Variants in HMGCLL1 observed in about 807,000 individuals in gnomAD.
The protein encoded by HMGCLL1 is 3-hydroxymethyl-3-methylglutaryl-CoA lyase, cytoplasmic.
HMGCLL1 carries 36 observed loss-of-function variants against 39.1 expected under a neutral mutation model. That is an observed-to-expected ratio of 0.92 (90% CI 0.71 to 1.22). The LOEUF is 1.22. HMGCLL1 is among the 50% of genes most tolerant of loss of function. The pLI, the probability that HMGCLL1 is intolerant of heterozygous loss-of-function variation, is 0.00. For synonymous variants in HMGCLL1, 149 were observed against 144.0 expected, an observed-to-expected ratio of 1.03 and a Z score of -0.25; for missense variants, 451 against 416.5, an observed-to-expected ratio of 1.08 and a Z score of -0.72.
intron 3 of HMGCLL1, among the ~76,000 whole-genome samples, chr6:55,536,498 GT>G (rs1398414353): frequency 6.6e-6 from 1 of 152,138 alleles, no homozygotes; most frequent in Non-Finnish European, 1.5e-5. Flanking sequence ...TGTATTTACA[GT>G]TTAAATAGCT....
chr6:55,518,429 G>A (rs1767862585), intron 3 of HMGCLL1, among the ~76,000 whole-genome samples: 1 of 152,092 alleles, frequency 6.6e-6, no homozygotes. Flanking sequence ...TTCTGGTCCT[G>A]TATGTTCTTC....
chr6:55,541,438 A>T (rs1769425570), intron 3 of HMGCLL1, among the ~76,000 whole-genome samples: 1 of 152,136 alleles, frequency 6.6e-6, no homozygotes, highest in South Asian at 2.1e-4. Flanking sequence ...TTATTTAGAA[A>T]GTCAGCCATA....
intron 5 of HMGCLL1, among the ~76,000 whole-genome samples, chr6:55,510,802 AAT>A (rs879736166): frequency 2.8e-4 from 42 of 148,828 alleles, no homozygotes; most frequent in Middle Eastern, 3.5e-3. Flanking sequence ...AATAATAATA[AAT>A]ATATATATAT....
At chr6:55,618,992 G>C in the HMGCLL1 span, among the ~76,000 whole-genome samples, 52,943 of 151,744 alleles carry the variant, frequency 0.35, 9,587 homozygotes, top group African/African-American at 0.44. Context: ...GGAGGTGTTT[G>C]CTCCAAACAC....
chr6:55,613,355 A>G, the HMGCLL1 span, among the ~76,000 whole-genome samples: 1 of 152,316 alleles, frequency 6.6e-6, no homozygotes, highest in African/African-American at 2.4e-5. Flanking sequence ...AGGAATGTAA[A>G]TTAGTTCAAC....
intron 5 of HMGCLL1, among the ~76,000 whole-genome samples, chr6:55,505,434 C>A (rs1044473899): frequency 6.6e-6 from 1 of 151,604 alleles, no homozygotes; most frequent in African/African-American, 2.4e-5. Context: ...ATGTGGAATA[C>A]ACCTTTCTGT....
chr6:55,650,132 TATACACAC>T, the HMGCLL1 span, among the ~76,000 whole-genome samples: 29 of 50,790 alleles, frequency 5.7e-4, no homozygotes, highest in East Asian at 2.0e-3. Flanking sequence ...TATATATATA[TATACACAC>T]ACACACACAT....
the HMGCLL1 span, among the ~76,000 whole-genome samples, chr6:55,658,427 T>A: frequency 1.3e-5 from 2 of 151,954 alleles, no homozygotes; most frequent in Non-Finnish European, 2.9e-5. Context: ...CCCAACCCAG[T>A]GCAAACACCA....
chr6:55,604,021 G>A, the HMGCLL1 span, among the ~76,000 whole-genome samples: 505 of 152,100 alleles, frequency 3.3e-3, 4 homozygotes, highest in African/African-American at 0.012. Context: ...TAGTTTGTTG[G>A]GTGTCTGGAG....
chr6:55,603,652 G>A, the HMGCLL1 span, among the ~76,000 whole-genome samples: 96 of 152,204 alleles, frequency 6.3e-4, no homozygotes, highest in African/African-American at 2.2e-3. Context: ...GGGAAAACTG[G>A]TAGTATCTTT....
intron 7 of HMGCLL1, among the ~76,000 whole-genome samples, chr6:55,480,744 T>C (rs979938139): frequency 2.0e-5 from 3 of 151,606 alleles, no homozygotes; most frequent in African/African-American, 4.9e-5. Context: ...TGTCCATCAA[T>C]AGACAAATGG....
intron 3 of HMGCLL1, among the ~76,000 whole-genome samples, chr6:55,518,996 G>A (rs1207257962): frequency 1.3e-5 from 2 of 152,134 alleles, no homozygotes; most frequent in East Asian, 1.9e-4. Context: ...AAAGACGGAC[G>A]GTTGCGTAAG....
At chr6:55,547,121 A>G (rs1318401744) in intron 1 of HMGCLL1, among the ~76,000 whole-genome samples, 2 of 152,032 alleles carry the variant, frequency 1.3e-5, no homozygotes, top group Non-Finnish European at 2.9e-5. Flanking sequence ...CCTGGCTCTT[A>G]TTCTAGTTTT....
chr6:55,669,235 C>A, the HMGCLL1 span, among the ~76,000 whole-genome samples: 3 of 151,828 alleles, frequency 2.0e-5, no homozygotes, highest in African/African-American at 7.3e-5. Context: ...GATCAATTTC[C>A]TTCCAGGTCC....
chr6:55,597,266 T>C, the HMGCLL1 span, among the ~76,000 whole-genome samples: 1 of 152,082 alleles, frequency 6.6e-6, no homozygotes, highest in African/African-American at 2.4e-5. Flanking sequence ...AAACTTAGAT[T>C]CATATATACT....
chr6:55,480,675 C>G (rs1272197628), intron 7 of HMGCLL1, among the ~76,000 whole-genome samples: 1 of 151,730 alleles, frequency 6.6e-6, no homozygotes, highest in Non-Finnish European at 1.5e-5. Flanking sequence ...TAACAGATAT[C>G]TGTACTTACA....
chr6:55,553,155 CTCTCTATA>C (rs1193108428), intron 1 of HMGCLL1, among the ~76,000 whole-genome samples: 1 of 90,440 alleles, frequency 1.1e-5, no homozygotes, highest in African/African-American at 3.7e-5. Context: ...CTCTCTCTCT[CTCTCTATA>C]TATATATATA....
chr6:55,595,362 G>A, the HMGCLL1 span, among the ~76,000 whole-genome samples: 1 of 152,208 alleles, frequency 6.6e-6, no homozygotes, highest in Non-Finnish European at 1.5e-5. Flanking sequence ...TATGTAAATA[G>A]TGAGGAGAGG....
intron 1 of HMGCLL1, among the ~76,000 whole-genome samples, chr6:55,573,808 A>T (rs531496463): frequency 1.3e-5 from 2 of 152,256 alleles, no homozygotes; most frequent in Middle Eastern, 6.8e-3. Context: ...CCAAAATATG[A>T]AACCCAACAA....
Sources: allele counts gnomAD v4.1 joint callset (sites outside exome capture counted in the v4.1 genomes callset), GRCh38; gene constraint gnomAD v4.1.1; transcripts MANE v1.5; gene names NCBI Gene and HGNC (gene_info 2026-07-23, HGNC 2026-07-21).